GRIN2A: variants seen among roughly 807,000 people sequenced by gnomAD.
GRIN2A encodes glutamate receptor ionotropic, NMDA 2A.
GRIN2A carries 22 observed loss-of-function variants against 113.4 expected under a neutral mutation model. The observed-to-expected ratio is 0.19, with a 90% CI of 0.14 to 0.28. GRIN2A has a LOEUF of 0.28. Ranked by LOEUF, GRIN2A falls within the 10% of genes least tolerant of loss-of-function variation. GRIN2A has a pLI of 1.00. For synonymous variants in GRIN2A, 827 were observed against 738.4 expected, an observed-to-expected ratio of 1.12 and a Z score of -1.94; for missense variants, 1,502 against 1,887.0, an observed-to-expected ratio of 0.80 and a Z score of 3.78.
chr16:10,070,952 G>T (rs1167873043), intron 2 of GRIN2A, among the ~76,000 whole-genome samples: 1 of 152,138 alleles, frequency 6.6e-6, no homozygotes, highest in African/African-American at 2.4e-5. Flanking sequence ...AGAGCAGTCA[G>T]ATTAACCCAA....
At chr16:9,815,115 A>G (rs537687457) in intron 10 of GRIN2A, among the ~76,000 whole-genome samples, 1 of 152,136 alleles carries the variant, frequency 6.6e-6, no homozygotes, top group South Asian at 2.1e-4. Flanking sequence ...TTGTTTTTCA[A>G]TGCAAAACTT....
intron 11 of GRIN2A, among the ~76,000 whole-genome samples, chr16:9,790,235 C>T (rs1253420700): frequency 6.6e-6 from 1 of 152,160 alleles, no homozygotes; most frequent in Non-Finnish European, 1.5e-5. Flanking sequence ...CAAGTCTTTC[C>T]CAAAGAAACA....
At chr16:9,834,262 T>C (rs768337003) in intron 7 of GRIN2A, 32 bp from the exon 8 acceptor site, 1 of 1,612,672 alleles carries the variant, frequency 6.2e-7, no homozygotes, top group Admixed American at 1.7e-5. Flanking sequence ...AATGGAAACG[T>C]GGTTAGTTAT....
At chr16:9,939,023 AG>A (rs1419988833) in intron 2 of GRIN2A, among the ~76,000 whole-genome samples, 3 of 152,208 alleles carry the variant, frequency 2.0e-5, no homozygotes, top group African/African-American at 7.2e-5. Context: ...TATACAAGCC[AG>A]TGAGTTTCTA....
At chr16:10,178,636 A>C (rs1004187829) in intron 2 of GRIN2A, among the ~76,000 whole-genome samples, 1 of 152,242 alleles carries the variant, frequency 6.6e-6, no homozygotes, top group Non-Finnish European at 1.5e-5. Context: ...CCTGCAAATC[A>C]TTTAAAATGA....
intron 10 of GRIN2A, 26 bp from the exon 11 acceptor site, chr16:9,798,490 C>T (rs1264330692): frequency 2.5e-6 from 4 of 1,606,798 alleles, no homozygotes; most frequent in Middle Eastern, 1.7e-4. Context: ...ACCAGGGGGT[C>T]ATAGGGGTGG....
At chr16:10,102,114 T>A (rs2048411377) in intron 2 of GRIN2A, among the ~76,000 whole-genome samples, 1 of 152,210 alleles carries the variant, frequency 6.6e-6, no homozygotes, top group Non-Finnish European at 1.5e-5. Context: ...ACTATTTCAA[T>A]AAGGACACAG....
chr16:10,075,157 G>T (rs141931648), intron 2 of GRIN2A, among the ~76,000 whole-genome samples: 1 of 152,102 alleles, frequency 6.6e-6, no homozygotes, highest in African/African-American at 2.4e-5. Flanking sequence ...TCTGCATGTC[G>T]GGGAATATAA....
intron 11 of GRIN2A, among the ~76,000 whole-genome samples, chr16:9,771,359 T>C (rs1297328329): frequency 6.6e-6 from 1 of 152,156 alleles, no homozygotes; most frequent in East Asian, 1.9e-4. Flanking sequence ...TATTCTTTTG[T>C]TGGTAATATT....
intron 2 of GRIN2A, among the ~76,000 whole-genome samples, chr16:10,064,052 G>A (rs1835227951): frequency 6.6e-6 from 1 of 152,148 alleles, no homozygotes; most frequent in African/African-American, 2.4e-5. Flanking sequence ...TCATACTGAT[G>A]TGTCATTTTT....
In GRIN2A at chr16:9,975,049, T is replaced by G. The variant is rs140995597; in HGVS notation, c.415-36498A>C. On this transcript the variant is annotated intron_variant, in intron 2 of 12. Coordinates refer to ENST00000330684, the MANE Select transcript of GRIN2A (RefSeq NM_001134407.3). ...GAAAACTGGTTATAGAAGGAAATAG[T>G]TTAAATTTTATAGGAATTAAAGTAT... is the stretch of plus-strand genomic sequence containing the variant. 3.7e-3 allele frequency among the ~76,000 whole-genome samples: 564 copies of G among 152,286 alleles called. 3 individuals are homozygous for G. The highest frequency in any genetic ancestry group is 0.013 in the African/African-American group (540 of 41,552).
chr16:10,040,801 C>A (rs2047153061), intron 2 of GRIN2A, among the ~76,000 whole-genome samples: 1 of 152,236 alleles, frequency 6.6e-6, no homozygotes, highest in African/African-American at 2.4e-5. Context: ...TGCCTCTGTT[C>A]CTGAATAAGC....
intron 2 of GRIN2A, among the ~76,000 whole-genome samples, chr16:10,163,308 G>T (rs1230589373): frequency 6.6e-6 from 1 of 152,186 alleles, no homozygotes; most frequent in Non-Finnish European, 1.5e-5. Flanking sequence ...AAGGTGGAAG[G>T]TTAGAAGGAA....
At chr16:10,004,113 C>T (rs1211386971) in intron 2 of GRIN2A, among the ~76,000 whole-genome samples, 6 of 151,960 alleles carry the variant, frequency 3.9e-5, no homozygotes, top group Non-Finnish European at 8.8e-5. Flanking sequence ...CAATTAGGCC[C>T]GGCATGGTGG....
rs1372666082 is a variant in GRIN2A at position 9,764,135 on chromosome 16, C to G, written c.3409G>C (p.Glu1137Gln). 1 of 1,613,630 alleles carries G rather than the reference C, an allele frequency of 6.2e-7. No individual in the cohort carries two copies. The highest frequency in any genetic ancestry group is 8.5e-7 in the Non-Finnish European group (1 of 1,179,636). The stretch of plus-strand genomic sequence containing the variant: ...ACGTTCTCGGGCAGGGTCACATTTT[C>G]AACAAACTGGGGTGGATCTAAGTGG... ...GFHLDPPQFV[E>Q]NVTLPENVDF... Residue 1137 changes from glutamate to glutamine, a missense_variant, in exon 13 of 13, where the codon GAA (glutamate) becomes CAA (glutamine). By Grantham distance (29) the Glu-to-Gln change is conservative. Transcript: ENST00000330684.
chr16:9,853,563 G>A (rs1180258164), intron 4 of GRIN2A, among the ~76,000 whole-genome samples: 1 of 152,148 alleles, frequency 6.6e-6, no homozygotes, highest in Non-Finnish European at 1.5e-5. Flanking sequence ...AGTTTCTGTG[G>A]TTTATAAGCC....
intron 11 of GRIN2A, among the ~76,000 whole-genome samples, chr16:9,779,718 G>C (rs1013026047): frequency 2.6e-5 from 4 of 151,522 alleles, no homozygotes; most frequent in Admixed American, 2.6e-4. Context: ...TTATGACTTA[G>C]GAGAGCTCTC....
At chr16:9,860,590 C>T (rs763179941) in intron 4 of GRIN2A, among the ~76,000 whole-genome samples, 1 of 152,018 alleles carries the variant, frequency 6.6e-6, no homozygotes, top group Non-Finnish European at 1.5e-5. Context: ...AAATCAATCC[C>T]CCAATTAGAA....
chr16:10,006,190 G>C (rs2046401924), intron 2 of GRIN2A, among the ~76,000 whole-genome samples: 1 of 152,224 alleles, frequency 6.6e-6, no homozygotes, highest in African/African-American at 2.4e-5. Flanking sequence ...CACCAACTGT[G>C]CTCTCCTGGC....
Sources: allele counts gnomAD v4.1 joint callset (sites outside exome capture counted in the v4.1 genomes callset), GRCh38; gene constraint gnomAD v4.1.1; transcripts MANE v1.5; gene names NCBI Gene and HGNC (gene_info 2026-07-23, HGNC 2026-07-21).